DIAPH3: variants seen among roughly 807,000 people sequenced by gnomAD.
The protein encoded by DIAPH3 is protein diaphanous homolog 3.
A neutral mutation model predicts 144.3 loss-of-function variants in DIAPH3; 117 were observed. The observed-to-expected ratio is 0.81, with a 90% CI of 0.70 to 0.95. DIAPH3 has a LOEUF of 0.95. DIAPH3 is among the 40% of genes least tolerant of loss of function. The pLI, the probability that DIAPH3 is intolerant of heterozygous loss-of-function variation, is 0.00. For missense variants in DIAPH3, 1,421 were observed against 1,412.7 expected, an observed-to-expected ratio of 1.01 and a Z score of -0.09; for synonymous variants, 519 against 488.9, an observed-to-expected ratio of 1.06 and a Z score of -0.81.
At position 60,015,425 on chromosome 13, in the gene DIAPH3, G is replaced by A. The variant is rs1023966430; in HGVS notation, c.771+488C>T. On this transcript the variant is annotated intron_variant, in intron 7 of 27. Coordinates refer to ENST00000400324, the MANE Select transcript of DIAPH3 (RefSeq NM_001042517.2). ...TATATCTGTTTACATTAATTTCATT[G>A]TAGATTTTAAATTCCTAGAATATAA... 5.3e-5 allele frequency among the ~76,000 whole-genome samples: 8 copies of A among 152,036 alleles called. 1 individual carries two copies. Among genetic ancestry groups the A allele is most frequent in the African/African-American group, 1.5e-4 (6 of 41,374 alleles).
rs557593843 is a variant in DIAPH3, at chr13:59,990,235, A to G, written c.1361+923T>C. ...TGCATGTCCTATCCTCATCCTGAAAAACCTAAAGTTTTAACATTTTGGGTC... is the reference window on the plus strand; with the variant it reads ...TGCATGTCCTATCCTCATCCTGAAAGACCTAAAGTTTTAACATTTTGGGTC... On this transcript the variant is annotated intron_variant, in intron 12 of 27. Transcript: ENST00000400324. 2.0e-5 allele frequency among the ~76,000 whole-genome samples: 3 copies of G among 151,894 alleles called. No homozygotes were observed. In the East Asian group the frequency reaches 5.9e-4, roughly 30 times the overall value.
intron 27 of DIAPH3, among the ~76,000 whole-genome samples, chr13:59,742,703 AG>A (rs2036522892): frequency 1.4e-5 from 2 of 141,870 alleles, no homozygotes; most frequent in Admixed American, 7.0e-5. Flanking sequence ...GGAGAAAGGG[AG>A]AAAGAAAAGA....
chr13:59,696,435 T>C (rs915534647), intron 27 of DIAPH3, among the ~76,000 whole-genome samples: 1 of 152,232 alleles, frequency 6.6e-6, no homozygotes, highest in East Asian at 1.9e-4. Flanking sequence ...ATCACAAACC[T>C]GTTACCATGA....
intron 18 of DIAPH3, among the ~76,000 whole-genome samples, chr13:59,919,686 T>C (rs1383553195): frequency 6.6e-6 from 1 of 152,000 alleles, no homozygotes; most frequent in Non-Finnish European, 1.5e-5. Flanking sequence ...AAGAAAAGGA[T>C]GATAATGAGA....
intron 17 of DIAPH3, among the ~76,000 whole-genome samples, chr13:59,956,969 C>T (rs2049442776): frequency 6.6e-6 from 1 of 152,178 alleles, no homozygotes; most frequent in Non-Finnish European, 1.5e-5. Flanking sequence ...TGGCCAATTT[C>T]TCCCATTTGG....
intron 27 of DIAPH3, among the ~76,000 whole-genome samples, chr13:59,714,269 A>T (rs1407973087): frequency 3.4e-5 from 5 of 148,116 alleles, no homozygotes; most frequent in East Asian, 4.0e-4. Flanking sequence ...CTGAGGCAGG[A>T]GAATGGCGTG....
intron 4 of DIAPH3, among the ~76,000 whole-genome samples, chr13:60,043,073 A>G (rs1471572832): frequency 6.6e-6 from 1 of 152,220 alleles, no homozygotes; most frequent in Non-Finnish European, 1.5e-5. Context: ...GTAAAATGAC[A>G]TGGAGAACAA....
chr13:59,772,883 T>G (rs1238617272), intron 27 of DIAPH3, among the ~76,000 whole-genome samples: 2 of 152,072 alleles, frequency 1.3e-5, no homozygotes, highest in Non-Finnish European at 2.9e-5. Flanking sequence ...ACAATAGGAA[T>G]TGGAACCATA....
intron 20 of DIAPH3, among the ~76,000 whole-genome samples, chr13:59,904,666 T>C (rs1358528528): frequency 6.6e-6 from 1 of 152,188 alleles, no homozygotes; most frequent in Non-Finnish European, 1.5e-5. Flanking sequence ...CACATCTCTA[T>C]CGTTAAGTGA....
chr13:59,930,143 C>T (rs761478223), intron 17 of DIAPH3, among the ~76,000 whole-genome samples: 1 of 151,952 alleles, frequency 6.6e-6, no homozygotes, highest in Non-Finnish European at 1.5e-5. Flanking sequence ...GAAACTTTGC[C>T]TAATTTTGTA....
At chr13:59,924,689 T>C (rs984492125) in intron 18 of DIAPH3, 86 bp downstream of exon 18, 2 of 1,510,404 alleles carry the variant, frequency 1.3e-6, no homozygotes, top group Middle Eastern at 2.5e-4. Flanking sequence ...AAATAGCAAA[T>C]AATGAATAAT....
chr13:59,809,829 G>A (rs564124913), intron 25 of DIAPH3, among the ~76,000 whole-genome samples: 12 of 152,196 alleles, frequency 7.9e-5, no homozygotes, highest in South Asian at 2.1e-4. Flanking sequence ...TCTATTCCTG[G>A]GGAAACCTTA....
intron 27 of DIAPH3, among the ~76,000 whole-genome samples, chr13:59,742,134 C>A (rs190384368): frequency 6.6e-6 from 1 of 152,216 alleles, no homozygotes; most frequent in African/African-American, 2.4e-5. Flanking sequence ...GAGACTTATT[C>A]ACTATCATGA....
Position 60,156,828 on chromosome 13 carries a change from C to T in DIAPH3, c.180+6759G>A, listed in dbSNP as rs184496428. Among the ~76,000 whole-genome samples the T allele has an allele frequency of 2.4e-3, 351 of 148,794 alleles. 1 individual carries two copies. The highest frequency in any genetic ancestry group is 6.3e-3 in the African/African-American group (255 of 40,192). On this transcript the variant is annotated intron_variant, in intron 1 of 27. Transcript: ENST00000400324. ...CAAACAGAAGTTGCTTAAATAAGTG[C>T]GTTTTCTTTTTCTCCCAGTACAAGA...
chr13:59,789,929 G>C (rs1049423280), intron 25 of DIAPH3, among the ~76,000 whole-genome samples: 1 of 152,192 alleles, frequency 6.6e-6, no homozygotes, highest in Non-Finnish European at 1.5e-5. Flanking sequence ...GTTTTATGTG[G>C]AACACGACAA....
intron 1 of DIAPH3, among the ~76,000 whole-genome samples, chr13:60,150,960 C>T (rs529593302): frequency 6.6e-6 from 1 of 151,974 alleles, no homozygotes; most frequent in African/African-American, 2.4e-5. Flanking sequence ...AGGCAATGTA[C>T]AGAGGCTGTA....
intron 4 of DIAPH3, among the ~76,000 whole-genome samples, chr13:60,053,318 T>C (rs950155446): frequency 6.6e-6 from 1 of 152,086 alleles, no homozygotes; most frequent in Admixed American, 6.6e-5. Context: ...CCCTGTGGTA[T>C]CAAAACATAT....
At chr13:60,060,259 G>C (rs56139453) in intron 4 of DIAPH3, among the ~76,000 whole-genome samples, 11,858 of 151,942 alleles carry the variant, frequency 0.078, 1,381 homozygotes, top group African/African-American at 0.26. Flanking sequence ...AAAATAAATA[G>C]TAGAGAGGAT....
At chr13:59,752,811 G>A (rs113658005) in intron 27 of DIAPH3, among the ~76,000 whole-genome samples, 5 of 152,126 alleles carry the variant, frequency 3.3e-5, no homozygotes, top group East Asian at 3.8e-4. Flanking sequence ...AATTATCTGG[G>A]GATGTGGGTA....
Sources: gnomAD v4.1 joint callset for allele counts (sites outside exome capture counted in the v4.1 genomes callset) on GRCh38, gnomAD v4.1.1 for gene constraint, MANE v1.5 for transcripts, NCBI Gene and HGNC (gene_info 2026-07-23, HGNC 2026-07-21) for gene names.